SNX29: variants seen among roughly 807,000 people sequenced by gnomAD.
SNX29 encodes the protein sorting nexin-29.
SNX29 carries 78 observed loss-of-function variants against 102.1 expected under a neutral mutation model. That is an observed-to-expected ratio of 0.76 (90% CI 0.64 to 0.92). The LOEUF (loss-of-function observed/expected upper bound fraction) is 0.92. Among genes scored for constraint, SNX29 ranks in the 40% least tolerant of loss-of-function variants. The probability of loss-of-function intolerance (pLI) is 0.00; values close to 1 mark genes in which losing one functional copy is unlikely to be tolerated. For missense variants in SNX29, 1,280 were observed against 1,061.7 expected, an observed-to-expected ratio of 1.21 and a Z score of -2.86; for synonymous variants, 580 against 414.5, an observed-to-expected ratio of 1.40 and a Z score of -4.85.
Position 12,570,912 on chromosome 16 carries a change from T to A in SNX29, c.*2283T>A, listed in dbSNP as rs2079174114. 4.5e-6 allele frequency: 1 copy of A among 221,798 alleles called. No homozygotes were observed. Among genetic ancestry groups the A allele is most frequent in the African/African-American group, 2.4e-5 (1 of 42,508 alleles). 13.7% of individuals were successfully genotyped at this position (221,798 alleles called of 1,614,324 possible). A position where few individuals can be genotyped will look rare whatever the true frequency, so the allele number is the denominator to read the frequency against. ...TATTCACAAAAAACCTGGTCTGCTC[T>A]CCAAAATGAGAGCATGTTCCTGGGA... On this transcript the variant is annotated 3_prime_UTR_variant, in exon 21 of 21. Transcript: ENST00000566228.
chr16:12,404,472 G>T (rs559054977), intron 18 of SNX29, among the ~76,000 whole-genome samples: 7 of 152,206 alleles, frequency 4.6e-5, no homozygotes, highest in African/African-American at 1.7e-4. Context: ...TTCTGGGACT[G>T]CTTTGTTCTC....
At chr16:12,513,263 C>T (rs1405289037) in intron 19 of SNX29, among the ~76,000 whole-genome samples, 1 of 150,304 alleles carries the variant, frequency 6.7e-6, no homozygotes, top group African/African-American at 2.5e-5. Flanking sequence ...CTCTCCCCTC[C>T]CCTTCCTAGT....
chr16:12,106,948 TG>T (rs1443698065), intron 11 of SNX29, among the ~76,000 whole-genome samples: 1 of 152,104 alleles, frequency 6.6e-6, no homozygotes, highest in Admixed American at 6.6e-5. Context: ...CCCAAGTAGC[TG>T]GGACTACAGG....
At chr16:12,556,096 A>T (rs150285161) in intron 20 of SNX29, among the ~76,000 whole-genome samples, 114 of 152,284 alleles carry the variant, frequency 7.5e-4, no homozygotes, top group Non-Finnish European at 1.4e-3. Context: ...TTCTGCTTTC[A>T]TTGAGAAGTA....
intron 15 of SNX29, among the ~76,000 whole-genome samples, chr16:12,332,511 A>G (rs548743195): frequency 3.3e-5 from 5 of 152,206 alleles, no homozygotes; most frequent in South Asian, 2.1e-4. Flanking sequence ...TGATGACTCT[A>G]TCCTCCCCCG....
chr16:11,993,425 A>C (rs8052559), intron 1 of SNX29, among the ~76,000 whole-genome samples: 12,014 of 152,062 alleles, frequency 0.079, 791 homozygotes, highest in African/African-American at 0.18. Flanking sequence ...TTTGGAGAGA[A>C]GGTAGCTAGT....
At chr16:12,157,413 G>T (rs1419878377) in intron 13 of SNX29, among the ~76,000 whole-genome samples, 1 of 152,168 alleles carries the variant, frequency 6.6e-6, no homozygotes, top group Admixed American at 6.5e-5. Flanking sequence ...GGCAGGGGAC[G>T]TGGGGTCATG....
At chr16:12,158,705 G>A (rs1008540127) in intron 13 of SNX29, among the ~76,000 whole-genome samples, 8 of 152,232 alleles carry the variant, frequency 5.3e-5, no homozygotes, top group East Asian at 1.9e-4. Context: ...AACGTGCACC[G>A]GAGACTCGGG....
intron 20 of SNX29, among the ~76,000 whole-genome samples, chr16:12,529,810 C>G (rs773829017): frequency 1.3e-5 from 2 of 152,214 alleles, no homozygotes; most frequent in Non-Finnish European, 2.9e-5. Context: ...GACCTGTGCA[C>G]TGCCAGGGGT....
intron 1 of SNX29, among the ~76,000 whole-genome samples, chr16:11,981,894 C>T (rs146670830): frequency 6.0e-4 from 91 of 152,150 alleles, no homozygotes; most frequent in African/African-American, 2.1e-3. Flanking sequence ...TGCATCTCAA[C>T]GTTAATGTTC....
chr16:12,518,805 C>T (rs1397837170), intron 19 of SNX29, among the ~76,000 whole-genome samples: 1 of 152,166 alleles, frequency 6.6e-6, no homozygotes, highest in Non-Finnish European at 1.5e-5. Context: ...CGCTGTCTTG[C>T]AGATGAGAAA....
intron 13 of SNX29, among the ~76,000 whole-genome samples, chr16:12,144,553 C>T (rs1332398709): frequency 6.6e-6 from 1 of 152,184 alleles, no homozygotes; most frequent in Non-Finnish European, 1.5e-5. Context: ...TCCGTTACTG[C>T]CTTCTGACCT....
chr16:12,504,784 G>A (rs1279112203), intron 19 of SNX29, among the ~76,000 whole-genome samples: 2 of 152,226 alleles, frequency 1.3e-5, no homozygotes, highest in African/African-American at 4.8e-5. Context: ...AGAAAAGATA[G>A]TATATATAAG....
rs1202178995 is a variant in SNX29, at chr16:12,573,489, A to ATTCACTGGTGGTTT, written c.*4861_*4874dup. ...CAGCGCTGCTGGCGGAAGATTCTAG[A>ATTCACTGGTGGTTT]TTCACTGGTGGTTTAAGAGGCCCAG... On this transcript the variant is annotated 3_prime_UTR_variant, in exon 21 of 21. Transcript: ENST00000566228. The ATTCACTGGTGGTTT allele has an allele frequency of 4.5e-6, 1 of 224,354 alleles. No homozygotes were observed. The highest frequency in any genetic ancestry group is 2.2e-5 in the African/African-American group (1 of 44,860). 13.9% of individuals were successfully genotyped at this position (224,354 alleles called of 1,614,324 possible).
chr16:12,386,544 A>G (rs1253315888), intron 16 of SNX29, among the ~76,000 whole-genome samples: 6 of 152,148 alleles, frequency 3.9e-5, no homozygotes, highest in Non-Finnish European at 5.9e-5. Flanking sequence ...GGCCAACCAG[A>G]ATACTGTCCC....
At chr16:12,406,767 G>A (rs1315533737) in intron 18 of SNX29, among the ~76,000 whole-genome samples, 2 of 152,164 alleles carry the variant, frequency 1.3e-5, no homozygotes, top group Non-Finnish European at 2.9e-5. Flanking sequence ...AATTAGCTGA[G>A]CGTTGCTGTT....
At chr16:12,431,214 G>A (rs940681243) in intron 18 of SNX29, among the ~76,000 whole-genome samples, 5 of 152,038 alleles carry the variant, frequency 3.3e-5, no homozygotes, top group East Asian at 1.9e-4. Context: ...GCTCTCCCAG[G>A]CCCCAAGACG....
At chr16:12,042,198 T>C (rs79655012) in intron 4 of SNX29, among the ~76,000 whole-genome samples, 2 of 152,132 alleles carry the variant, frequency 1.3e-5, no homozygotes, top group African/African-American at 4.8e-5. Context: ...ACCCAGCTAA[T>C]TTTTGCATTT....
intron 16 of SNX29, among the ~76,000 whole-genome samples, chr16:12,393,143 G>A (rs1034848811): frequency 1.3e-5 from 2 of 152,190 alleles, no homozygotes; most frequent in African/African-American, 2.4e-5. Context: ...AATTATGGCT[G>A]CCATTTCATG....
Sources: gnomAD v4.1 joint callset for allele counts (sites outside exome capture counted in the v4.1 genomes callset) on GRCh38, gnomAD v4.1.1 for gene constraint, MANE v1.5 for transcripts, NCBI Gene and HGNC (gene_info 2026-07-23, HGNC 2026-07-21) for gene names.